The following KCNQ5 variants were observed in gnomAD, a reference collection of about 807,000 sequenced individuals.
KCNQ5 encodes potassium voltage-gated channel subfamily Q member 5.
KCNQ5 carries 30 observed loss-of-function variants against 98.2 expected under a neutral mutation model. That is an observed-to-expected ratio of 0.31 (90% CI 0.23 to 0.41). The LOEUF is 0.41. Ranked by LOEUF, KCNQ5 falls within the 10% of genes least tolerant of loss-of-function variation. The probability of loss-of-function intolerance (pLI) is 1.00; values close to 1 mark genes in which losing one functional copy is unlikely to be tolerated. For synonymous variants in KCNQ5, 458 were observed against 449.4 expected (o/e 1.02, Z -0.24); for missense variants, 835 against 1,182.5 (o/e 0.71, Z 4.31).
intron 1 of KCNQ5, among the ~76,000 whole-genome samples, chr6:72,848,819 C>T (rs957056552): frequency 6.6e-6 from 1 of 152,146 alleles, no homozygotes; most frequent in Non-Finnish European, 1.5e-5. Flanking sequence ...CCGCTTTGCT[C>T]AGCACTTCTC....
intron 1 of KCNQ5, among the ~76,000 whole-genome samples, chr6:72,915,199 A>AT (rs1000555866): frequency 6.6e-6 from 1 of 152,116 alleles, no homozygotes; most frequent in Admixed American, 6.5e-5. Flanking sequence ...ATGCAGATCT[A>AT]TTTTTTTCCA....
chr6:73,175,661 C>A (rs970209752), intron 11 of KCNQ5, among the ~76,000 whole-genome samples: 1 of 152,176 alleles, frequency 6.6e-6, no homozygotes, highest in East Asian at 1.9e-4. Context: ...CTCTTCCCAG[C>A]GTTCAGTGCA....
At chr6:73,127,420 T>G in intron 9 of KCNQ5, among the ~76,000 whole-genome samples, 1 of 152,184 alleles carries the variant, frequency 6.6e-6, no homozygotes, top group African/African-American at 2.4e-5. Context: ...AAGTCCTTCT[T>G]CATGGTTTTT....
chr6:72,835,835 T>C (rs1203649807), intron 1 of KCNQ5, among the ~76,000 whole-genome samples: 3 of 152,230 alleles, frequency 2.0e-5, no homozygotes, highest in Non-Finnish European at 4.4e-5. Context: ...TTTACTCCAT[T>C]TTACTATTGT....
rs535000197 is a variant in KCNQ5 at position 72,800,727 on chromosome 6, A to C, written c.398+178140A>C. The stretch of plus-strand genomic sequence containing the variant: ...TTTTAATTGTGATGTTAGGGTGTCA[A>C]TTTTGGATCTTTCCTGATTTCTCTT... On this transcript the variant is annotated intron_variant, in intron 1 of 13. Coordinates refer to ENST00000370398, the MANE Select transcript of KCNQ5 (RefSeq NM_019842.4). Among the ~76,000 whole-genome samples, 4 of 152,206 alleles carry C rather than the reference A, an allele frequency of 2.6e-5. No homozygotes were observed. In the East Asian group the frequency reaches 7.7e-4, roughly 29 times the overall value.
At chr6:72,757,833 CAGA>C (rs1561964033) in intron 1 of KCNQ5, among the ~76,000 whole-genome samples, 1 of 151,924 alleles carries the variant, frequency 6.6e-6, no homozygotes, top group Non-Finnish European at 1.5e-5. Context: ...TTTCTAAGAA[CAGA>C]AGAAAATTAA....
chr6:72,633,063 TC>T (rs1471722047), intron 1 of KCNQ5, among the ~76,000 whole-genome samples: 3 of 152,206 alleles, frequency 2.0e-5, no homozygotes, highest in Admixed American at 6.5e-5. Flanking sequence ...GTATAGGTGG[TC>T]CCTTTTCTCT....
At chr6:72,638,112 A>G (rs1326624913) in intron 1 of KCNQ5, among the ~76,000 whole-genome samples, 2 of 152,180 alleles carry the variant, frequency 1.3e-5, no homozygotes, top group Non-Finnish European at 2.9e-5. Context: ...AGGAAAGAAA[A>G]CTATGTAGTC....
At chr6:73,064,086 C>T (rs1772944491) in intron 3 of KCNQ5, among the ~76,000 whole-genome samples, 3 of 152,172 alleles carry the variant, frequency 2.0e-5, no homozygotes, top group Admixed American at 6.5e-5. Flanking sequence ...TGCTAAGTGA[C>T]GTTTCATCTC....
chr6:73,157,760 A>G (rs1777426274), intron 10 of KCNQ5: 1 of 778,316 alleles, frequency 1.3e-6, no homozygotes, highest in Admixed American at 1.7e-5. Flanking sequence ...GTGTGCTCCT[A>G]GGTGGGGTGC....
intron 1 of KCNQ5, among the ~76,000 whole-genome samples, chr6:72,895,619 T>G (rs1255707854): frequency 6.7e-6 from 1 of 150,362 alleles, no homozygotes; most frequent in Non-Finnish European, 1.5e-5. Flanking sequence ...TCTGAGTTGT[T>G]GAACCACTGA....
intron 1 of KCNQ5, among the ~76,000 whole-genome samples, chr6:72,736,408 G>GA (rs1379730746): frequency 2.0e-5 from 3 of 148,518 alleles, no homozygotes; most frequent in Non-Finnish European, 4.4e-5. Flanking sequence ...AAATTGCTAA[G>GA]AAAAAATATG....
chr6:73,047,529 T>C (rs1425754896), intron 3 of KCNQ5, among the ~76,000 whole-genome samples: 1 of 152,210 alleles, frequency 6.6e-6, no homozygotes, highest in African/African-American at 2.4e-5. Flanking sequence ...ACTTGAAAGT[T>C]GAACTTACAA....
At chr6:72,759,483 T>A (rs1282861334) in intron 1 of KCNQ5, among the ~76,000 whole-genome samples, 2 of 152,116 alleles carry the variant, frequency 1.3e-5, no homozygotes, top group Non-Finnish European at 2.9e-5. Context: ...CCCAATAGAA[T>A]AATGATCATG....
At position 73,133,659 on chromosome 6, in the gene KCNQ5, A is replaced by G; in HGVS notation, c.1468+18A>G. On this transcript the variant is annotated intron_variant, in intron 10 of 13. Transcript: ENST00000370398. ...GATAGATGGTAAGCCCTGTTTTTCC[A>G]TAACCATTTTTAATTGGATAGGCTA... 1 of 1,609,498 alleles carries G rather than the reference A, an allele frequency of 6.2e-7. No individual in the cohort carries two copies. Among genetic ancestry groups the G allele is most frequent in the Non-Finnish European group, 8.5e-7 (1 of 1,175,962 alleles).
At chr6:72,770,210 T>C (rs970281820) in intron 1 of KCNQ5, among the ~76,000 whole-genome samples, 2 of 152,110 alleles carry the variant, frequency 1.3e-5, no homozygotes, top group Admixed American at 6.6e-5. Flanking sequence ...AATTATTTTG[T>C]TGTCAATAAT....
chr6:72,799,993 T>C (rs1373766369), intron 1 of KCNQ5, among the ~76,000 whole-genome samples: 2 of 152,174 alleles, frequency 1.3e-5, no homozygotes, highest in Non-Finnish European at 2.9e-5. Context: ...TTAAGGCCAT[T>C]TAGAATAATT....
At chr6:72,757,697 A>C (rs983345466) in intron 1 of KCNQ5, among the ~76,000 whole-genome samples, 5 of 152,144 alleles carry the variant, frequency 3.3e-5, no homozygotes, top group Admixed American at 3.3e-4. Flanking sequence ...ATCATAGCGT[A>C]ACCCTGGTTA....
At position 72,647,472 on chromosome 6, in the gene KCNQ5, A is replaced by G. The variant is rs564958188; in HGVS notation, c.398+24885A>G. Among the ~76,000 whole-genome samples the G allele has an allele frequency of 6.5e-4, 96 of 148,470 alleles. 1 individual carries two copies. The highest frequency in any genetic ancestry group is 2.2e-3 in the African/African-American group (91 of 40,718). On this transcript the variant is annotated intron_variant, in intron 1 of 13. Transcript: ENST00000370398. ...AAACAAAACAAAACGAAAAAAAAAG[A>G]AAAAAAAAAAGAGATGCCATAAGAT...
Sources: allele counts gnomAD v4.1 joint callset (sites outside exome capture counted in the v4.1 genomes callset), GRCh38; gene constraint gnomAD v4.1.1; transcripts MANE v1.5; gene names NCBI Gene and HGNC (gene_info 2026-07-23, HGNC 2026-07-21).